LURAP1L: variants seen among roughly 807,000 people sequenced by gnomAD.
The protein encoded by LURAP1L is leucine rich adaptor protein 1 like, also known as leucine rich adaptor protein 1-like.
Under a neutral mutation model 13.8 loss-of-function variants are expected in LURAP1L, and 12 were observed. The observed-to-expected ratio is 0.87, with a 90% CI of 0.56 to 1.41. LURAP1L has a LOEUF of 1.41. Among genes scored for constraint, LURAP1L ranks in the 40% most tolerant of loss-of-function variants. The pLI, the probability that LURAP1L is intolerant of heterozygous loss-of-function variation, is 0.00. For missense variants in LURAP1L, 375 were observed against 292.9 expected, an observed-to-expected ratio of 1.28 and a Z score of -2.04; for synonymous variants, 139 against 119.2, an observed-to-expected ratio of 1.17 and a Z score of -1.08.
chr9:12,780,069 G>A (rs187930612), intron 1 of LURAP1L, among the ~76,000 whole-genome samples: 7 of 152,296 alleles, frequency 4.6e-5, no homozygotes, highest in Admixed American at 2.6e-4. Flanking sequence ...TATTCATGAT[G>A]TAGGAGTATC....
At chr9:12,800,555 T>C (rs1819571564) in intron 1 of LURAP1L, among the ~76,000 whole-genome samples, 1 of 151,984 alleles carries the variant, frequency 6.6e-6, no homozygotes, top group Non-Finnish European at 1.5e-5. Context: ...AAAAAACATA[T>C]TGAATCAAAA....
intron 1 of LURAP1L, among the ~76,000 whole-genome samples, chr9:12,795,171 A>G (rs766556487): frequency 1.3e-5 from 2 of 151,970 alleles, no homozygotes; most frequent in South Asian, 4.1e-4. Flanking sequence ...TAACATTTGT[A>G]GATGATGTTG....
chr9:12,819,560 C>T lies in LURAP1L; in HGVS notation c.313-1826C>T, dbSNP rs78044712. Among the ~76,000 whole-genome samples the T allele has an allele frequency of 6.8e-3, 1,033 of 152,274 alleles. 7 individuals are homozygous for T. The highest frequency in any genetic ancestry group is 0.014 in the Middle Eastern group (4 of 294). On this transcript the variant is annotated intron_variant, in intron 1 of 1. Coordinates refer to ENST00000319264, the MANE Select transcript of LURAP1L (RefSeq NM_203403.2). ...AATGAATGTCTGATAATTCCAGAAA[C>T]TGACATAAATCTGAATTAGCTCTGG...
chr9:12,811,511 A>G (rs1037547498), intron 1 of LURAP1L, among the ~76,000 whole-genome samples: 1 of 152,216 alleles, frequency 6.6e-6, no homozygotes, highest in South Asian at 2.1e-4. Context: ...CTCTTTCAAT[A>G]ATCACCTTCA....
At chr9:12,789,328 G>A (rs1819408077) in intron 1 of LURAP1L, among the ~76,000 whole-genome samples, 3 of 152,110 alleles carry the variant, frequency 2.0e-5, no homozygotes, top group Admixed American at 2.0e-4. Context: ...CTTCACGTTT[G>A]ATTAGTGGTT....
intron 1 of LURAP1L, among the ~76,000 whole-genome samples, chr9:12,811,244 GT>G (rs2118536505): frequency 6.6e-6 from 1 of 152,270 alleles, no homozygotes; most frequent in African/African-American, 2.4e-5. Flanking sequence ...TTTCAGTTTA[GT>G]TAATCTCGCT....
Position 12,796,060 on chromosome 9 carries a change from T to C in LURAP1L, c.312+20033T>C, listed in dbSNP as rs185154678. Among the ~76,000 whole-genome samples the C allele has an allele frequency of 1.8e-3, 274 of 152,154 alleles. 2 individuals carry two copies. The highest frequency in any genetic ancestry group is 6.4e-3 in the African/African-American group (266 of 41,570). On this transcript the variant is annotated intron_variant, in intron 1 of 1. Transcript: ENST00000319264. ...TTATGGTTTCATAGTATCCTCTCAA[T>C]AAATTAATCATGAATGCTTGTGACC... is the stretch of plus-strand genomic sequence containing the variant.
At chr9:12,782,302 T>C (rs1819284125) in intron 1 of LURAP1L, among the ~76,000 whole-genome samples, 1 of 152,236 alleles carries the variant, frequency 6.6e-6, no homozygotes, top group Non-Finnish European at 1.5e-5. Flanking sequence ...TGCCTATGCT[T>C]ATGGGATATT....
At chr9:12,807,274 A>C (rs1299627915) in intron 1 of LURAP1L, among the ~76,000 whole-genome samples, 1 of 151,876 alleles carries the variant, frequency 6.6e-6, no homozygotes, top group Non-Finnish European at 1.5e-5. Context: ...TCAAAAACTA[A>C]CTAACTGACT....
intron 1 of LURAP1L, among the ~76,000 whole-genome samples, chr9:12,780,370 G>GA (rs983971258): frequency 7.6e-5 from 3 of 39,384 alleles, no homozygotes; most frequent in South Asian, 6.9e-4. Context: ...AATTCACAAG[G>GA]AAAAAAAACA....
intron 1 of LURAP1L, among the ~76,000 whole-genome samples, chr9:12,785,791 T>TGGAGG (rs1819342089): frequency 1.3e-5 from 2 of 152,308 alleles, no homozygotes; most frequent in South Asian, 4.1e-4. Context: ...CCCTCTTCAG[T>TGGAGG]GCCTTCTTCC....
chr9:12,821,977 G>A lies in LURAP1L; in HGVS notation c.*217G>A, dbSNP rs1819887810. 1 of 463,498 alleles carries A rather than the reference G, an allele frequency of 2.2e-6. No homozygotes were observed. Among genetic ancestry groups the A allele is most frequent in the Admixed American group, 3.9e-5 (1 of 25,940 alleles). 28.7% of individuals were successfully genotyped at this position (463,498 alleles called of 1,614,324 possible). A position where few individuals can be genotyped will look rare whatever the true frequency, so the allele number is the denominator to read the frequency against. On this transcript the variant is annotated 3_prime_UTR_variant, in exon 2 of 2. Transcript: ENST00000319264. ...ATCTCTATTTTTTATTTATTACAATGATTTTCTCCCTTCTTTTACAGTAGC... is the reference window on the plus strand; with the variant it reads ...ATCTCTATTTTTTATTTATTACAATAATTTTCTCCCTTCTTTTACAGTAGC...
intron 1 of LURAP1L, among the ~76,000 whole-genome samples, chr9:12,781,334 C>G (rs1819267288): frequency 6.6e-6 from 1 of 152,102 alleles, no homozygotes; most frequent in Non-Finnish European, 1.5e-5. Flanking sequence ...GTTGTACTAC[C>G]AAACGTTAGC....
chr9:12,776,365 G>T (rs1819183979), intron 1 of LURAP1L, among the ~76,000 whole-genome samples: 1 of 152,166 alleles, frequency 6.6e-6, no homozygotes, highest in South Asian at 2.1e-4. Context: ...AGAGTTTGCA[G>T]TTATTGCACC....
At chr9:12,781,048 C>T (rs539752085) in intron 1 of LURAP1L, among the ~76,000 whole-genome samples, 13 of 152,114 alleles carry the variant, frequency 8.5e-5, no homozygotes, top group East Asian at 1.9e-4. Context: ...CTCAGCTCAC[C>T]GCAACCTCTG....
rs753564859 is a variant in LURAP1L at position 12,775,691 on chromosome 9, C to G, written c.-25C>G. 7 of 1,543,100 alleles carry G rather than the reference C, an allele frequency of 4.5e-6. No individual in the cohort carries two copies. The East Asian group carries it at 1.6e-4, about 35-fold the overall frequency. On this transcript the variant is annotated 5_prime_UTR_variant, in exon 1 of 2. Coordinates refer to ENST00000319264, the MANE Select transcript of LURAP1L (RefSeq NM_203403.2). ...GCCTTTCATCTGCTGCGTTTTATTA[C>G]TATTATCGCCGTTCCGGAAAAGTCA...
intron 1 of LURAP1L, among the ~76,000 whole-genome samples, chr9:12,781,173 G>A (rs377000968): frequency 1.3e-5 from 2 of 152,172 alleles, no homozygotes; most frequent in East Asian, 3.9e-4. Context: ...GTTTCTCCAC[G>A]TTGGTCAGGC....
chr9:12,817,377 G>A (rs946394955), intron 1 of LURAP1L, among the ~76,000 whole-genome samples: 1 of 152,132 alleles, frequency 6.6e-6, no homozygotes, highest in Non-Finnish European at 1.5e-5. Context: ...GGCATAGAGT[G>A]GTGACCAGGA....
chr9:12,801,233 C>T (rs1356046121), intron 1 of LURAP1L, among the ~76,000 whole-genome samples: 1 of 151,906 alleles, frequency 6.6e-6, no homozygotes, highest in Non-Finnish European at 1.5e-5. Flanking sequence ...TCCAACCTCT[C>T]CACAAGCTAT....
Sources: gnomAD v4.1 joint callset for allele counts (sites outside exome capture counted in the v4.1 genomes callset) on GRCh38, gnomAD v4.1.1 for gene constraint, MANE v1.5 for transcripts, NCBI Gene and HGNC (gene_info 2026-07-23, HGNC 2026-07-21) for gene names.